Variants in MGST1 observed in about 807,000 individuals in gnomAD.
The protein encoded by MGST1 is glutathione S-transferase 12.
A neutral mutation model predicts 8.9 loss-of-function variants in MGST1; 5 were observed. That is an observed-to-expected ratio of 0.56 (90% confidence interval 0.29 to 1.19). The LOEUF (loss-of-function observed/expected upper bound fraction) is 1.19, where lower values mean the gene tolerates loss of function less well. Among genes scored for constraint, MGST1 ranks in the 50% most tolerant of loss-of-function variants. MGST1 has a pLI of 0.08. For missense variants in MGST1, 182 were observed against 187.4 expected, an observed-to-expected ratio of 0.97 and a Z score of 0.17; for synonymous variants, 54 against 67.8, an observed-to-expected ratio of 0.80 and a Z score of 1.00.
At chr12:16,371,739 T>C (rs1940297544) in intron 3 of MGST1, among the ~76,000 whole-genome samples, 1 of 152,096 alleles carries the variant, frequency 6.6e-6, no homozygotes, top group Non-Finnish European at 1.5e-5. Flanking sequence ...AATATGGAAA[T>C]TTGTTTTCCT....
At chr12:16,427,769 A>G (rs1301431682) in intron 1 of MGST1, among the ~76,000 whole-genome samples, 1 of 152,104 alleles carries the variant, frequency 6.6e-6, no homozygotes, top group African/African-American at 2.4e-5. Context: ...CCATCTAAGC[A>G]TTATGCTTTT....
chr12:16,439,521 C>G (rs1404970655), downstream of MGST1, among the ~76,000 whole-genome samples: 1 of 151,776 alleles, frequency 6.6e-6, no homozygotes, highest in Non-Finnish European at 1.5e-5. Context: ...CATAGCCTTG[C>G]CCTAGAGCAT....
intron 1 of MGST1, among the ~76,000 whole-genome samples, chr12:16,420,343 AAG>A (rs1940824251): frequency 6.6e-6 from 1 of 152,236 alleles, no homozygotes; most frequent in African/African-American, 2.4e-5. Flanking sequence ...TTCATAATCT[AAG>A]AAAAACACAC....
chr12:16,467,295 T>C (rs559153521), intron 4 of MGST1, among the ~76,000 whole-genome samples: 1 of 152,340 alleles, frequency 6.6e-6, no homozygotes, highest in East Asian at 1.9e-4. Flanking sequence ...GAATGCTTAT[T>C]GAAGTTGCCA....
At chr12:16,352,312 A>G (rs908618300) in intron 1 of MGST1, among the ~76,000 whole-genome samples, 2 of 152,222 alleles carry the variant, frequency 1.3e-5, no homozygotes, top group African/African-American at 4.8e-5. Context: ...AAAGATACAT[A>G]TAAATGTATA....
chr12:16,519,807 T>G (rs1225942893), intron 4 of MGST1, among the ~76,000 whole-genome samples: 1 of 152,148 alleles, frequency 6.6e-6, no homozygotes, highest in African/African-American at 2.4e-5. Context: ...TCTGAAGAGG[T>G]TCTCATATTG....
At chr12:16,360,367 A>C (rs1591700547) in intron 3 of MGST1, 1 of 985,324 alleles carries the variant, frequency 1.0e-6, no homozygotes, top group Admixed American at 6.1e-5. Flanking sequence ...AAATGAAGTG[A>C]AAAGTATGCT....
chr12:16,353,167 G>A (rs528013645), intron 1 of MGST1, among the ~76,000 whole-genome samples: 35 of 152,084 alleles, frequency 2.3e-4, no homozygotes, highest in Admixed American at 2.6e-4. Flanking sequence ...CCAAGCAGCC[G>A]GGACTACAGG....
chr12:16,511,395 C>A (rs1941576609), intron 4 of MGST1, among the ~76,000 whole-genome samples: 3 of 152,210 alleles, frequency 2.0e-5, no homozygotes, highest in Non-Finnish European at 4.4e-5. Flanking sequence ...GAGCTTTCTC[C>A]ATCTAGCCTC....
intron 4 of MGST1, among the ~76,000 whole-genome samples, chr12:16,504,881 A>G (rs1454736837): frequency 6.6e-6 from 1 of 151,916 alleles, no homozygotes; most frequent in Non-Finnish European, 1.5e-5. Context: ...TGCTGCCTCT[A>G]TTTTCTAATC....
intron 4 of MGST1, among the ~76,000 whole-genome samples, chr12:16,526,321 C>T (rs1040537489): frequency 2.6e-5 from 4 of 151,946 alleles, no homozygotes; most frequent in Non-Finnish European, 5.9e-5. Flanking sequence ...AAGTGGCCCA[C>T]ATAAAGCTAC....
intron 4 of MGST1, among the ~76,000 whole-genome samples, chr12:16,446,479 T>A (rs1941080869): frequency 6.6e-6 from 1 of 151,906 alleles, no homozygotes; most frequent in Admixed American, 6.6e-5. Flanking sequence ...GGTTATATAA[T>A]TTAAGAGATA....
intron 3 of MGST1, among the ~76,000 whole-genome samples, chr12:16,359,243 C>A (rs1939878849): frequency 6.6e-6 from 1 of 152,184 alleles, no homozygotes; most frequent in South Asian, 2.1e-4. Context: ...TTCACGCAAG[C>A]AATGCCCAGT....
rs541273063 is a variant in MGST1 at position 16,418,969 on chromosome 12, C to T, written n.779-18419C>T. Among the ~76,000 whole-genome samples the T allele has an allele frequency of 2.0e-5, 3 of 152,142 alleles. No homozygotes were observed. The South Asian group carries it at 6.2e-4, about 32-fold the overall frequency. On this transcript the variant is annotated intron_variant and non_coding_transcript_variant, in intron 1 of 1. Coordinates refer to the MGST1 transcript ENST00000359720. ...CTTATATGTTTAGTGTTTGCGAGTC[C>T]TAAATTGGAAGAAGATCATTATTGA...
intron 4 of MGST1, among the ~76,000 whole-genome samples, chr12:16,570,158 C>G (rs1591792213): frequency 6.6e-6 from 1 of 152,104 alleles, no homozygotes; most frequent in East Asian, 1.9e-4. Flanking sequence ...TTGTGATAGT[C>G]TATTCTATAA....
chr12:16,540,903 C>G (rs1941789474), intron 4 of MGST1, among the ~76,000 whole-genome samples: 1 of 152,182 alleles, frequency 6.6e-6, no homozygotes, highest in Non-Finnish European at 1.5e-5. Flanking sequence ...GAGCAAGACT[C>G]TCTCTCAAAA....
At chr12:16,349,122 C>T (rs1178414423) in intron 1 of MGST1, 1 of 152,150 alleles carries the variant, frequency 6.6e-6, no homozygotes, top group African/African-American at 2.4e-5. Flanking sequence ...CGCAACATGG[C>T]CACCGAATTA....
chr12:16,446,543 C>G (rs980910354), intron 4 of MGST1, among the ~76,000 whole-genome samples: 1 of 151,910 alleles, frequency 6.6e-6, no homozygotes, highest in Non-Finnish European at 1.5e-5. Context: ...TATTAACCAT[C>G]TCCACAACTC....
chr12:16,350,112 C>T (rs1254589935), intron 1 of MGST1, among the ~76,000 whole-genome samples: 2 of 152,122 alleles, frequency 1.3e-5, no homozygotes, highest in Non-Finnish European at 2.9e-5. Context: ...TTATTCAACT[C>T]CTTTCACAGG....
Sources: allele counts gnomAD v4.1 joint callset (sites outside exome capture counted in the v4.1 genomes callset), GRCh38; gene constraint gnomAD v4.1.1; transcripts MANE v1.5; gene names NCBI Gene and HGNC (gene_info 2026-07-23, HGNC 2026-07-21).